JAM3: variants seen among roughly 807,000 people sequenced by gnomAD.
JAM3 encodes the protein junctional adhesion molecule C.
A neutral mutation model predicts 39.4 loss-of-function variants in JAM3; 31 were observed. The ratio of observed to expected loss-of-function variants is 0.79; its 90% CI spans 0.59 to 1.06. The LOEUF (loss-of-function observed/expected upper bound fraction) is 1.06. Ranked by LOEUF, JAM3 falls within the 50% of genes least tolerant of loss-of-function variation. JAM3 has a pLI of 0.00. For missense variants in JAM3, 455 were observed against 391.4 expected, an observed-to-expected ratio of 1.16 and a Z score of -1.37; for synonymous variants, 182 against 148.7, an observed-to-expected ratio of 1.22 and a Z score of -1.63.
rs1943029962 is a variant in JAM3 at position 134,144,315 on chromosome 11, G to T, written c.331G>T (p.Ala111Ser). 6.2e-7 allele frequency: 1 copy of T among 1,614,238 alleles called. No homozygotes were observed. The highest frequency in any genetic ancestry group is 1.6e-4 in the Middle Eastern group (1 of 6,062). The part of the protein sequence containing the change: ...KIWNVTRRDS[A>S]LYRCEVVARN... ...CTGGAATGTGACACGGAGAGACTCA[G>T]CCCTTTATCGCTGTGAGGTCGTTGC... The change falls in exon 4 of 9, where the codon GCC becomes TCC. Residue 111 changes from alanine to serine, a missense_variant. Coordinates refer to ENST00000299106, the MANE Select transcript of JAM3 (RefSeq NM_032801.5).
At chr11:134,123,860 G>A (rs1942585812) in intron 1 of JAM3, 2 of 825,464 alleles carry the variant, frequency 2.4e-6, no homozygotes, top group East Asian at 2.4e-5. Flanking sequence ...TATCTCTGAA[G>A]CGTAATCACA....
intron 1 of JAM3, among the ~76,000 whole-genome samples, chr11:134,100,851 A>G (rs1430511754): frequency 6.6e-6 from 1 of 152,238 alleles, no homozygotes; most frequent in Non-Finnish European, 1.5e-5. Flanking sequence ...TTCAGCTCTT[A>G]ACCACTATAT....
intron 1 of JAM3, among the ~76,000 whole-genome samples, chr11:134,099,688 C>A (rs528143680): frequency 6.6e-6 from 1 of 152,190 alleles, no homozygotes; most frequent in African/African-American, 2.4e-5. Context: ...GTCACTGCAA[C>A]CTCCACCTCT....
chr11:134,141,736 C>T (rs1942975675), intron 3 of JAM3, among the ~76,000 whole-genome samples: 1 of 152,040 alleles, frequency 6.6e-6, no homozygotes, highest in Non-Finnish European at 1.5e-5. Flanking sequence ...GAGGGGAGGC[C>T]TGCTGGGGCT....
chr11:134,107,904 A>G (rs958373894), intron 1 of JAM3, among the ~76,000 whole-genome samples: 3 of 152,076 alleles, frequency 2.0e-5, no homozygotes, highest in African/African-American at 7.2e-5. Context: ...AAAAATCAGA[A>G]AAAGAACACA....
chr11:134,107,746 C>T (rs1464131637), intron 1 of JAM3, among the ~76,000 whole-genome samples: 1 of 151,884 alleles, frequency 6.6e-6, no homozygotes, highest in African/African-American at 2.4e-5. Context: ...GCCTGTAGTC[C>T]CAGCTACTTG....
At chr11:134,115,801 G>A (rs536327005) in intron 1 of JAM3, among the ~76,000 whole-genome samples, 60 of 152,226 alleles carry the variant, frequency 3.9e-4, no homozygotes, top group African/African-American at 1.4e-3. Flanking sequence ...GAAAGCCAAG[G>A]TGGGAAGATG....
intron 1 of JAM3, among the ~76,000 whole-genome samples, chr11:134,136,122 G>A (rs1407198223): frequency 8.6e-6 from 1 of 116,388 alleles, no homozygotes; most frequent in East Asian, 2.7e-4. Context: ...GAGCTTAAGA[G>A]TATGATGGAC....
In JAM3 at chr11:134,069,743, G is replaced by A. The variant is rs188839445; in HGVS notation, c.76+584G>A. Among the ~76,000 whole-genome samples, 960 of 152,324 alleles carry A rather than the reference G, an allele frequency of 6.3e-3. 2 individuals are homozygous for A. Among genetic ancestry groups the A allele is most frequent in the Non-Finnish European group, 8.5e-3 (578 of 68,016 alleles). On this transcript the variant is annotated intron_variant, in intron 1 of 8. Coordinates refer to ENST00000299106, the MANE Select transcript of JAM3 (RefSeq NM_032801.5). ...CTCTCCAGAAGGGACGGTGAGCGGG[G>A]GACGTAGCTGAGGACCGGCGAGGCA...
chr11:134,128,022 T>C (rs1942685320), intron 1 of JAM3, among the ~76,000 whole-genome samples: 1 of 152,210 alleles, frequency 6.6e-6, no homozygotes, highest in Non-Finnish European at 1.5e-5. Context: ...ACAGTGGTTT[T>C]TTTGTTTATA....
intron 1 of JAM3, among the ~76,000 whole-genome samples, chr11:134,121,929 A>G (rs1031446012): frequency 8.5e-5 from 13 of 152,200 alleles, no homozygotes; most frequent in African/African-American, 2.9e-4. Flanking sequence ...CTTGGAGTCA[A>G]CACTGTCTAC....
chr11:134,077,650 CTTTT>C (rs71038558), intron 1 of JAM3, among the ~76,000 whole-genome samples: 8 of 102,046 alleles, frequency 7.8e-5, no homozygotes, highest in Non-Finnish European at 1.5e-4. Flanking sequence ...TGGCTGGCGC[CTTTT>C]TTTTTTTTTT....
intron 1 of JAM3, among the ~76,000 whole-genome samples, chr11:134,120,917 A>AG (rs1942519013): frequency 6.6e-6 from 1 of 152,228 alleles, no homozygotes; most frequent in South Asian, 2.1e-4. Context: ...CTGAAGCTGT[A>AG]GAAGCATTTT....
chr11:134,106,993 A>C (rs1177394947), intron 1 of JAM3, among the ~76,000 whole-genome samples: 7 of 152,186 alleles, frequency 4.6e-5, no homozygotes, highest in Admixed American at 3.9e-4. Flanking sequence ...TATATACCCA[A>C]AGGATTATAA....
intron 5 of JAM3, 187 bp downstream of exon 5, chr11:134,145,181 G>A (rs749127541): frequency 1.7e-5 from 11 of 629,976 alleles, no homozygotes; most frequent in Non-Finnish European, 2.5e-5. Context: ...ATTCTTAGGG[G>A]GTAAAATAAG....
chr11:134,087,561 A>T (rs1354184235), intron 1 of JAM3, among the ~76,000 whole-genome samples: 1 of 152,202 alleles, frequency 6.6e-6, no homozygotes, highest in African/African-American at 2.4e-5. Context: ...ACCTAGCTAT[A>T]TAAGGTACTT....
Position 134,150,712 on chromosome 11 carries a change from C to T in JAM3, c.*1531C>T, listed in dbSNP as rs575474250. The stretch of plus-strand genomic sequence containing the variant: ...GCCAAAGGCAATTGCGAAATCAAGT[C>T]TGTCAAGTACAATAACATTTTTAAA... On this transcript the variant is annotated 3_prime_UTR_variant, in exon 9 of 9. Transcript: ENST00000299106. 10 of 152,104 alleles carry T rather than the reference C, an allele frequency of 6.6e-5. No homozygotes were observed. In the East Asian group the frequency reaches 1.9e-3, roughly 29 times the overall value. The allele number at this position is 152,104 out of a possible 1,614,324, so 9.4% of individuals were successfully genotyped here. A position where few individuals can be genotyped will look rare whatever the true frequency, so the allele number is the denominator to read the frequency against.
At chr11:134,072,098 T>G (rs1185961448) in intron 1 of JAM3, among the ~76,000 whole-genome samples, 1 of 152,172 alleles carries the variant, frequency 6.6e-6, no homozygotes, top group Non-Finnish European at 1.5e-5. Context: ...AACCAGACTT[T>G]CCTCAAGTAT....
intron 1 of JAM3, among the ~76,000 whole-genome samples, chr11:134,077,340 GGATATTA>G (rs1941586104): frequency 6.6e-6 from 1 of 150,888 alleles, no homozygotes; most frequent in Non-Finnish European, 1.5e-5. Context: ...TATAGATTCT[GGATATTA>G]GTGTGTCAAG....
Sources: allele counts gnomAD v4.1 joint callset (sites outside exome capture counted in the v4.1 genomes callset), GRCh38; gene constraint gnomAD v4.1.1; transcripts MANE v1.5; gene names NCBI Gene and HGNC (gene_info 2026-07-23, HGNC 2026-07-21).